DHX30: variants seen among roughly 807,000 people sequenced by gnomAD.
The protein encoded by DHX30 is ATP-dependent RNA helicase DHX30.
A neutral mutation model predicts 116.9 loss-of-function variants in DHX30; 4 were observed. The ratio of observed to expected loss-of-function variants is 0.03; its 90% confidence interval spans 0.02 to 0.08. The LOEUF is 0.08. Among genes scored for constraint, DHX30 ranks in the 10% least tolerant of loss-of-function variants. The pLI, the probability that DHX30 is intolerant of heterozygous loss-of-function variation, is 1.00. For missense variants in DHX30, 871 were observed against 1,595.1 expected (o/e 0.55, Z 7.73); for synonymous variants, 697 against 651.7 (o/e 1.07, Z -1.06).
chr3:47,833,002 C>G (rs1264559184), intron 6 of DHX30, among the ~76,000 whole-genome samples: 2 of 128,650 alleles, frequency 1.6e-5, no homozygotes, highest in African/African-American at 6.0e-5. Context: ...CTAGGCTGGT[C>G]TTGAACTTCT....
Position 47,848,330 on chromosome 3 carries a change from C to T in DHX30, c.2437C>T (p.Arg813Cys). The T allele has an allele frequency of 6.2e-7, 1 of 1,614,050 alleles. No homozygotes were observed. Among genetic ancestry groups the T allele is most frequent in the Non-Finnish European group, 8.5e-7 (1 of 1,180,012 alleles). ...CCCTTTCCAAGTGCCAGAGATCCTG[C>T]GCACACCTCTTGAGAACCTGGTGCT... The part of the protein sequence containing the change: ...MVPFQVPEIL[R>C]TPLENLVLQA... Residue 813 changes from arginine to cysteine, a missense_variant, in exon 15 of 22, where the codon CGC (arginine) becomes TGC (cysteine). Around this residue, in one of 13 missense-constraint regions of DHX30, gnomAD observed 238 missense variants for 481.0 expected, o/e 0.49. Coordinates refer to ENST00000445061, the MANE Select transcript of DHX30 (RefSeq NM_138615.3). The surrounding 1 kb of genome is among the most constrained non-coding windows in gnomAD (Gnocchi z 9.4).
At chr3:47,832,374 A>T (rs1211444151) in intron 6 of DHX30, among the ~76,000 whole-genome samples, 2 of 152,030 alleles carry the variant, frequency 1.3e-5, no homozygotes, top group Admixed American at 1.3e-4. Context: ...ATTGATTGAG[A>T]TGGGGTCTAG....
rs184897367 is a variant in DHX30, at chr3:47,845,291, G to A, written c.940-409G>A. 6.0e-4 allele frequency among the ~76,000 whole-genome samples: 92 copies of A among 152,208 alleles called. No homozygotes were observed. In the East Asian group the frequency reaches 0.017, roughly 28 times the overall value. On this transcript the variant is annotated intron_variant, in intron 9 of 21. Coordinates refer to ENST00000445061, the MANE Select transcript of DHX30 (RefSeq NM_138615.3). ...CAACCTGTGTCTCCAGGGTTCAGGC[G>A]ATTCTCGTGCCTCAGCCTCCCTAGT...
chr3:47,829,273 T>G, intron 6 of DHX30, 139 bp downstream of exon 6: 1 of 293,674 alleles, frequency 3.4e-6, no homozygotes, highest in Admixed American at 6.0e-5. Context: ...CCTTTCTTAC[T>G]GTTCAGCCAA....
Position 47,841,475 on chromosome 3 carries a change from G to T in DHX30, c.669-142G>T, listed in dbSNP as rs887937891. The T allele has an allele frequency of 5.1e-6, 6 of 1,172,540 alleles. No individual in the cohort carries two copies. The East Asian group carries it at 9.9e-5, about 19-fold the overall frequency. The allele number at this position is 1,172,540 out of a possible 1,614,324, so 72.6% of individuals were successfully genotyped here. ...GTGTGGCTGTGGGAGGAGCAGAGAC[G>T]CCCGGTTTCCCATCCATTTCATGCC... On this transcript the variant is annotated intron_variant, in intron 7 of 21. Coordinates refer to ENST00000445061, the MANE Select transcript of DHX30 (RefSeq NM_138615.3).
intron 6 of DHX30, among the ~76,000 whole-genome samples, chr3:47,833,934 G>C (rs536635272): frequency 6.6e-6 from 1 of 151,946 alleles, no homozygotes; most frequent in Non-Finnish European, 1.5e-5. Flanking sequence ...AGTCCTTATG[G>C]TGTACATTAG....
intron 3 of DHX30, among the ~76,000 whole-genome samples, chr3:47,813,173 C>T (rs1198695144): frequency 6.6e-6 from 1 of 151,796 alleles, no homozygotes; most frequent in East Asian, 2.0e-4. Context: ...CCCGTCTCTA[C>T]TAAAAATACA....
At chr3:47,825,680 G>C (rs1251102334) in intron 4 of DHX30, among the ~76,000 whole-genome samples, 1 of 152,126 alleles carries the variant, frequency 6.6e-6, no homozygotes, top group African/African-American at 2.4e-5. Flanking sequence ...AAATAGTGCA[G>C]AGGATAAAAC....
At position 47,849,976 on chromosome 3, in the gene DHX30, C is replaced by T; in HGVS notation, c.3441C>T (p.Arg1147=). The T allele has an allele frequency of 6.2e-7, 1 of 1,612,738 alleles. No homozygotes were observed. Among genetic ancestry groups the T allele is most frequent in the Non-Finnish European group, 8.5e-7 (1 of 1,179,706 alleles). Reference sequence around the variant, plus strand: ...AGGAGCTGCGGCGGGCCCTGGGCCGCATGGTGGAGCGGAGCCTGCGCAGCG... The same window carrying T: ...AGGAGCTGCGGCGGGCCCTGGGCCGTATGGTGGAGCGGAGCCTGCGCAGCG... ...LLKELRRALG[R]MVERSLRSEL... is the part of the protein sequence containing the mutation. The change falls in exon 22 of 22, where the codon CGC becomes CGT. Residue 1147 remains arginine (R), a synonymous_variant. Transcript: ENST00000445061.
intron 3 of DHX30, among the ~76,000 whole-genome samples, chr3:47,813,675 C>T (rs1471710287): frequency 6.6e-6 from 1 of 152,094 alleles, no homozygotes; most frequent in Non-Finnish European, 1.5e-5. Flanking sequence ...TTAAATAGGT[C>T]TTCCTGATTG....
At chr3:47,836,286 C>T (rs1291956241) in intron 6 of DHX30, among the ~76,000 whole-genome samples, 2 of 151,850 alleles carry the variant, frequency 1.3e-5, no homozygotes, top group East Asian at 1.9e-4. Context: ...CCTGCCACCA[C>T]GCCTGGCCAA....
chr3:47,841,518 C>T, intron 7 of DHX30, 99 bp from the exon 8 acceptor site: 1 of 1,531,172 alleles, frequency 6.5e-7, no homozygotes, highest in Non-Finnish European at 8.9e-7. Context: ...CTTCTGGCTC[C>T]CTGCTGCAGC....
At chr3:47,809,578 T>C (rs891750324) in intron 2 of DHX30, among the ~76,000 whole-genome samples, 2 of 152,188 alleles carry the variant, frequency 1.3e-5, no homozygotes, top group African/African-American at 4.8e-5. Flanking sequence ...GTTATCATTG[T>C]TGATATTGTA....
intron 6 of DHX30, among the ~76,000 whole-genome samples, chr3:47,838,148 G>A (rs2037207229): frequency 6.6e-6 from 1 of 152,216 alleles, no homozygotes; most frequent in African/African-American, 2.4e-5. Context: ...GCAAAAGTGT[G>A]GCAGCTGAGC....
intron 4 of DHX30, chr3:47,825,179 A>C (rs1423239237): frequency 1.5e-6 from 1 of 662,678 alleles, no homozygotes; most frequent in Non-Finnish European, 2.7e-6. Context: ...CACACCAAGG[A>C]AGCCGCCGAG....
At chr3:47,834,016 T>G (rs767382334) in intron 6 of DHX30, among the ~76,000 whole-genome samples, 3 of 152,218 alleles carry the variant, frequency 2.0e-5, no homozygotes, top group Non-Finnish European at 2.9e-5. Flanking sequence ...ATTTCTCTTT[T>G]CTTCCTGCCC....
chr3:47,810,598 T>G, intron 2 of DHX30, 59 bp from the exon 3 acceptor site: 1 of 1,402,648 alleles, frequency 7.1e-7, no homozygotes, highest in Non-Finnish European at 1.0e-6. Context: ...TGAAGTCTTC[T>G]TTGTGGGTTG....
chr3:47,819,306 T>C (rs1430521892), intron 4 of DHX30: 2 of 1,366,566 alleles, frequency 1.5e-6, no homozygotes, highest in African/African-American at 1.5e-5. Flanking sequence ...TGGCTAAGCT[T>C]GAAGACGGTT....
At chr3:47,835,249 C>A (rs1254954121) in intron 6 of DHX30, among the ~76,000 whole-genome samples, 1 of 151,266 alleles carries the variant, frequency 6.6e-6, no homozygotes, top group Non-Finnish European at 1.5e-5. Context: ...TCTCAACTCA[C>A]TGCAACCTCC....
Sources: allele counts gnomAD v4.1 joint callset (sites outside exome capture counted in the v4.1 genomes callset), GRCh38; gene constraint gnomAD v4.1.1; regional missense constraint gnomAD v4.1.1; non-coding constraint Gnocchi (gnomAD v3.1); transcripts MANE v1.5; gene names NCBI Gene and HGNC (gene_info 2026-07-23, HGNC 2026-07-21).